SBF2: variants seen among roughly 807,000 people sequenced by gnomAD.
SBF2 encodes the protein myotubularin-related protein 13.
In SBF2, 112 loss-of-function variants were observed where a neutral mutation model predicts 225.2. The ratio of observed to expected loss-of-function variants is 0.50; its 90% CI spans 0.43 to 0.58. SBF2 has a LOEUF of 0.58. SBF2 is among the 20% of genes least tolerant of loss of function. The pLI is 0.00. For missense variants in SBF2, 1,996 were observed against 2,206.2 expected, an observed-to-expected ratio of 0.90 and a Z score of 1.91; for synonymous variants, 763 against 773.3, an observed-to-expected ratio of 0.99 and a Z score of 0.22.
At chr11:10,047,509 G>A (rs964829609) in intron 2 of SBF2, among the ~76,000 whole-genome samples, 2 of 152,142 alleles carry the variant, frequency 1.3e-5, no homozygotes, top group African/African-American at 4.8e-5. Flanking sequence ...AGTGCTCAGA[G>A]AAGCCCCTGG....
At chr11:10,160,617 T>C (rs1036134175) in intron 2 of SBF2, among the ~76,000 whole-genome samples, 2 of 152,218 alleles carry the variant, frequency 1.3e-5, no homozygotes, top group African/African-American at 2.4e-5. Context: ...TTTCTGTATT[T>C]TGGAGATTGT....
intron 13 of SBF2, among the ~76,000 whole-genome samples, chr11:9,982,721 C>T (rs188031354): frequency 1.8e-4 from 28 of 152,300 alleles, no homozygotes; most frequent in African/African-American, 6.0e-4. Flanking sequence ...AAGTGAACTG[C>T]TCCTGCGGGA....
chr11:10,011,516 G>T (rs1006766036), intron 6 of SBF2, among the ~76,000 whole-genome samples: 1 of 152,206 alleles, frequency 6.6e-6, no homozygotes, highest in Non-Finnish European at 1.5e-5. Flanking sequence ...ACCACGCCTG[G>T]CCTTCCTTTT....
At position 9,963,897 on chromosome 11, in the gene SBF2, TAAAG is replaced by T; in HGVS notation, c.1601-19_1601-16del. 7.3e-7 allele frequency: 1 copy of T among 1,377,400 alleles called. No homozygotes were observed. The highest frequency in any genetic ancestry group is 1.0e-6 in the Non-Finnish European group (1 of 968,216). The allele number at this position is 1,377,400 out of a possible 1,614,324, so 85.3% of individuals were successfully genotyped here. ...CATTATCGAAACTAGTAAAAGAATA[TAAAG>T]AAAGCACAAATAAATTAAACTTCTT... On this transcript the variant is annotated splice_polypyrimidine_tract_variant and intron_variant, in intron 14 of 39. Coordinates refer to ENST00000256190, the MANE Select transcript of SBF2 (RefSeq NM_030962.4).
At chr11:9,974,359 TAGATG>T (rs1946581456) in intron 13 of SBF2, among the ~76,000 whole-genome samples, 1 of 152,176 alleles carries the variant, frequency 6.6e-6, no homozygotes, top group Admixed American at 6.5e-5. Context: ...CTTTATCCAC[TAGATG>T]ACAGTAGCAC....
chr11:9,809,543 C>CT (rs1854051568), intron 30 of SBF2, among the ~76,000 whole-genome samples: 7 of 127,806 alleles, frequency 5.5e-5, no homozygotes, highest in Admixed American at 8.6e-5. Flanking sequence ...TTGTTTCAGA[C>CT]ATTTTTTTTT....
chr11:10,010,510 C>G (rs1008388577), intron 6 of SBF2, among the ~76,000 whole-genome samples: 1 of 152,156 alleles, frequency 6.6e-6, no homozygotes, highest in African/African-American at 2.4e-5. Flanking sequence ...TCCTCCATTG[C>G]TTGTTTTTGT....
chr11:9,852,765 G>A lies in SBF2; in HGVS notation c.2537-16C>T, dbSNP rs1369024553. 8 of 1,580,354 alleles carry A rather than the reference G, an allele frequency of 5.1e-6. No homozygotes were observed. The East Asian group carries it at 1.3e-4, about 27-fold the overall frequency. On this transcript the variant is annotated splice_polypyrimidine_tract_variant and intron_variant, in intron 20 of 39. Transcript: ENST00000256190. The stretch of plus-strand genomic sequence containing the variant: ...GCTACAATTCCTAGGATGAGTCAGA[G>A]TATTCAAAATGAAAGAACACAGACA...
intron 1 of SBF2, among the ~76,000 whole-genome samples, chr11:10,240,637 T>C (rs1471771073): frequency 6.6e-6 from 1 of 152,178 alleles, no homozygotes; most frequent in African/African-American, 2.4e-5. Flanking sequence ...GAATTACCTA[T>C]ACCTACAAAA....
chr11:10,000,606 G>C (rs73408778), intron 8 of SBF2, among the ~76,000 whole-genome samples: 1 of 152,008 alleles, frequency 6.6e-6, no homozygotes, highest in Non-Finnish European at 1.5e-5. Context: ...AAACAATTAT[G>C]CACTAATATC....
Position 9,850,033 on chromosome 11 carries a change from A to C in SBF2, c.2796T>G (p.His932Gln). Residue 932 changes from histidine (H) to glutamine (Q), a missense_variant, in exon 22 of 40, where the codon CAT (histidine) becomes CAG (glutamine). Physicochemically the swap from His to Gln is conservative, Grantham distance 24. Coordinates refer to ENST00000256190, the MANE Select transcript of SBF2 (RefSeq NM_030962.4). ...TYRILFRGTP[H>Q]DQLVGEQTVV... is the part of the protein sequence containing the mutation. ...CATATCGAGTCATACCTAACTGATC[A>C]TGGGGTGTTCCTCTGAAGAGAATTC... The C allele has an allele frequency of 6.2e-7, 1 of 1,613,994 alleles. No individual in the cohort carries two copies. Among genetic ancestry groups the C allele is most frequent in the East Asian group, 2.2e-5 (1 of 44,878 alleles).
chr11:9,887,805 CCTAT>C (rs1860458915), intron 17 of SBF2, among the ~76,000 whole-genome samples: 8 of 151,830 alleles, frequency 5.3e-5, no homozygotes, highest in Admixed American at 5.2e-4. Flanking sequence ...CACTCCCTCC[CCTAT>C]CTTTTTTTTT....
chr11:10,263,025 C>T (rs1468073438), intron 1 of SBF2, among the ~76,000 whole-genome samples: 1 of 151,886 alleles, frequency 6.6e-6, no homozygotes, highest in Non-Finnish European at 1.5e-5. Flanking sequence ...TTCAATACAA[C>T]ATTTAATCCT....
chr11:10,099,970 A>G (rs530462606), intron 2 of SBF2, among the ~76,000 whole-genome samples: 1 of 152,202 alleles, frequency 6.6e-6, no homozygotes, highest in Non-Finnish European at 1.5e-5. Flanking sequence ...AAAAAATTTT[A>G]AAAAATGGCA....
chr11:10,149,736 C>A (rs1955083014), intron 2 of SBF2, among the ~76,000 whole-genome samples: 1 of 152,144 alleles, frequency 6.6e-6, no homozygotes, highest in Non-Finnish European at 1.5e-5. Context: ...AAGTAACTCT[C>A]TCTGCTGTAA....
intron 16 of SBF2, chr11:9,958,898 C>A (rs1866376828): frequency 4.4e-6 from 3 of 681,264 alleles, no homozygotes; most frequent in Non-Finnish European, 8.2e-6. Flanking sequence ...TATGCTGGCA[C>A]TATGATGGGC....
intron 16 of SBF2, among the ~76,000 whole-genome samples, chr11:9,938,593 C>T (rs1231515175): frequency 6.6e-6 from 1 of 151,924 alleles, no homozygotes; most frequent in Non-Finnish European, 1.5e-5. Context: ...AAATAAATCC[C>T]AGTATGTATA....
intron 16 of SBF2, among the ~76,000 whole-genome samples, chr11:9,911,707 T>C (rs898309605): frequency 5.3e-5 from 8 of 152,228 alleles, no homozygotes; most frequent in African/African-American, 1.9e-4. Context: ...GCAAGCTCCA[T>C]TCACGGTAAT....
intron 12 of SBF2, among the ~76,000 whole-genome samples, chr11:9,989,810 G>A (rs2134460084): frequency 6.6e-6 from 1 of 152,218 alleles, no homozygotes; most frequent in South Asian, 2.1e-4. Flanking sequence ...GAGGATTTAG[G>A]GCCCTATTTC....
Sources: allele counts gnomAD v4.1 joint callset (sites outside exome capture counted in the v4.1 genomes callset), GRCh38; gene constraint gnomAD v4.1.1; transcripts MANE v1.5; gene names NCBI Gene and HGNC (gene_info 2026-07-23, HGNC 2026-07-21).